Variants in UMODL1 observed in about 807,000 individuals in gnomAD.
UMODL1 encodes uromodulin like 1, also known as uromodulin-like 1.
UMODL1 carries 128 observed loss-of-function variants against 136.3 expected under a neutral mutation model. The ratio of observed to expected loss-of-function variants is 0.94; its 90% CI spans 0.81 to 1.09. The LOEUF is 1.09. UMODL1 is among the 50% of genes least tolerant of loss of function. The pLI, the probability that UMODL1 is intolerant of heterozygous loss-of-function variation, is 0.00. For synonymous variants in UMODL1, 721 were observed against 720.0 expected, an observed-to-expected ratio of 1.00 and a Z score of -0.02; for missense variants, 1,766 against 1,725.6, an observed-to-expected ratio of 1.02 and a Z score of -0.41.
chr21:42,088,668 T>C (rs958556028), intron 5 of UMODL1, among the ~76,000 whole-genome samples, 188 bp downstream of exon 5: 1 of 152,190 alleles, frequency 6.6e-6, no homozygotes, highest in Non-Finnish European at 1.5e-5. Context: ...CAGCTCACCC[T>C]GTAAATTCCA....
At position 42,083,191 on chromosome 21, in the gene UMODL1, A is replaced by G. The variant is rs2066383101; in HGVS notation, c.320-893A>G. Among the ~76,000 whole-genome samples the G allele has an allele frequency of 2.6e-5, 4 of 152,192 alleles. No homozygotes were observed. In the South Asian group the frequency reaches 8.3e-4, roughly 31 times the overall value. On this transcript the variant is annotated intron_variant, in intron 2 of 22. Coordinates refer to ENST00000408910, the MANE Select transcript of UMODL1 (RefSeq NM_001004416.3). ...CAGTGCCACTCTGCCATGCGTCTCC[A>G]CATGGGCGAGCAGTGGACATGTCCG...
chr21:42,093,765 C>A (rs887721602), intron 6 of UMODL1: 1 of 400,396 alleles, frequency 2.5e-6, no homozygotes, highest in African/African-American at 2.1e-5. Flanking sequence ...GGATCAATCA[C>A]GGAAAGAGAG....
chr21:42,084,862 A>G (rs1301956989), intron 3 of UMODL1, among the ~76,000 whole-genome samples: 1 of 151,170 alleles, frequency 6.6e-6, no homozygotes, highest in Non-Finnish European at 1.5e-5. Flanking sequence ...ACTACATGCT[A>G]TTATATAGTA....
At chr21:42,133,254 C>T (rs2067156938) in intron 21 of UMODL1, among the ~76,000 whole-genome samples, 1 of 152,250 alleles carries the variant, frequency 6.6e-6, no homozygotes, top group Non-Finnish European at 1.5e-5. Flanking sequence ...GACCTCACCG[C>T]TATCCGCGGC....
intron 15 of UMODL1, among the ~76,000 whole-genome samples, chr21:42,119,556 C>G (rs1020828175): frequency 6.6e-6 from 1 of 152,154 alleles, no homozygotes; most frequent in Non-Finnish European, 1.5e-5. Flanking sequence ...CTGCAGATCC[C>G]CAGGGGTGCT....
At position 42,121,101 on chromosome 21, in the gene UMODL1, G is replaced by A. The variant is rs1459323616; in HGVS notation, c.2704G>A (p.Glu902Lys). 4 of 1,613,478 alleles carry A rather than the reference G, an allele frequency of 2.5e-6. No individual in the cohort carries two copies. The highest frequency in any genetic ancestry group is 3.4e-6 in the Non-Finnish European group (4 of 1,179,792). Residue 902 changes from glutamate (E) to lysine (K), a missense_variant, in exon 16 of 23, where the codon GAA becomes AAA. By Grantham distance (56) the Glu-to-Lys change is moderately conservative. Transcript: ENST00000408910. Reference protein sequence around the residue: ...DTFIQDYDECERKEDDCVPGT... With the variant: ...DTFIQDYDECKRKEDDCVPGT... ...ATGTTGTGCAGATTACGATGAGTGT[G>A]AAAGGAAGGAGGACGACTGTGTGCC...
intron 7 of UMODL1, chr21:42,101,694 A>G (rs1458018558): frequency 1.5e-5 from 7 of 456,208 alleles, no homozygotes; most frequent in Non-Finnish European, 2.6e-5. Context: ...CAACCCTACC[A>G]TTTTGACTGG....
At chr21:42,074,172 C>T (rs1601171721) in intron 1 of UMODL1, among the ~76,000 whole-genome samples, 1 of 152,326 alleles carries the variant, frequency 6.6e-6, no homozygotes, top group Middle Eastern at 3.4e-3. Context: ...CGAGCCCCTG[C>T]AGGAGTCTCT....
intron 4 of UMODL1, among the ~76,000 whole-genome samples, chr21:42,086,306 C>G (rs1405874496): frequency 6.6e-6 from 1 of 152,230 alleles, no homozygotes; most frequent in East Asian, 1.9e-4. Flanking sequence ...TGTAGCTGTT[C>G]TGTGCTTCAG....
At chr21:42,108,468 C>G (rs2066756039) in intron 9 of UMODL1, 3 of 455,778 alleles carry the variant, frequency 6.6e-6, no homozygotes, top group Non-Finnish European at 9.2e-6. Context: ...GCAGGAAGCA[C>G]AACAGAAAAA....
intron 7 of UMODL1, among the ~76,000 whole-genome samples, chr21:42,100,346 G>C (rs1364724736): frequency 1.3e-5 from 2 of 152,138 alleles, no homozygotes; most frequent in African/African-American, 4.8e-5. Context: ...GACAGTGAGT[G>C]GTGGTGGAGA....
chr21:42,129,694 C>T lies in UMODL1; in HGVS notation c.3691-19C>T. ...GTTCAATTAATTTGACGTTTCTCTT[C>T]TTGGAAAAAAAAAAACAGAATTGCA... On this transcript the variant is annotated intron_variant, in intron 20 of 22. Coordinates refer to ENST00000408910, the MANE Select transcript of UMODL1 (RefSeq NM_001004416.3). 1.9e-6 allele frequency: 3 copies of T among 1,561,212 alleles called. No individual in the cohort carries two copies. The highest frequency in any genetic ancestry group is 2.6e-6 in the Non-Finnish European group (3 of 1,160,252).
intron 17 of UMODL1, among the ~76,000 whole-genome samples, chr21:42,125,948 G>C (rs1044833917): frequency 2.6e-5 from 4 of 152,230 alleles, no homozygotes; most frequent in Non-Finnish European, 5.9e-5. Context: ...ACCAATGCTT[G>C]GCTTGATTAT....
intron 14 of UMODL1, among the ~76,000 whole-genome samples, chr21:42,116,683 G>A (rs1166232070): frequency 6.6e-6 from 1 of 151,718 alleles, no homozygotes; most frequent in Admixed American, 6.6e-5. Context: ...CTTTTAAACT[G>A]TACAATTCAG....
chr21:42,127,624 CAGCGGGGCTCGCTGACA>C, intron 19 of UMODL1, 31 bp from the exon 20 acceptor site: 1 of 1,576,136 alleles, frequency 6.3e-7, no homozygotes, highest in Non-Finnish European at 8.6e-7. Context: ...AGAACAAGGA[CAGCGGGGCTCGCTGACA>C]AGCAAGGAGT....
intron 15 of UMODL1, chr21:42,120,468 C>G (rs550530937): frequency 1.3e-5 from 2 of 152,354 alleles, no homozygotes; most frequent in South Asian, 4.1e-4. Flanking sequence ...TGCTAAGTTA[C>G]CAGGTGTCCC....
Position 42,111,600 on chromosome 21 carries a change from G to A in UMODL1, c.1994G>A (p.Arg665Gln), listed in dbSNP as rs746597703. The change falls in exon 12 of 23, where the codon CGG (arginine) becomes CAG (glutamine). Residue 665 changes from arginine (R) to glutamine (Q), a missense_variant. Transcript: ENST00000408910. Reference sequence around the variant, plus strand: ...CTGTGGCATGCCACCCGTTCCACCCGGGAAACACTTCTGAATCCCACGTGG... The same window carrying A: ...CTGTGGCATGCCACCCGTTCCACCCAGGAAACACTTCTGAATCCCACGTGG... ...HFLWHATRSTRETLLNPTWLR... is the reference protein window; with the variant it reads ...HFLWHATRSTQETLLNPTWLR... 148 of 1,613,986 alleles carry A rather than the reference G, an allele frequency of 9.2e-5. No individual in the cohort carries two copies. The highest frequency in any genetic ancestry group is 1.2e-4 in the Non-Finnish European group (144 of 1,180,002).
intron 1 of UMODL1, among the ~76,000 whole-genome samples, chr21:42,065,306 G>C (rs2066174446): frequency 6.6e-6 from 1 of 152,184 alleles, no homozygotes; most frequent in Admixed American, 6.5e-5. Flanking sequence ...TTGCGTTTCA[G>C]TTCAGATTCT....
intron 15 of UMODL1, among the ~76,000 whole-genome samples, chr21:42,119,938 G>A (rs774932080): frequency 1.3e-5 from 2 of 152,096 alleles, no homozygotes; most frequent in Non-Finnish European, 2.9e-5. Flanking sequence ...CCATTTTAAC[G>A]CAAAGTAAAC....
Sources: gnomAD v4.1 joint callset for allele counts (sites outside exome capture counted in the v4.1 genomes callset) on GRCh38, gnomAD v4.1.1 for gene constraint, MANE v1.5 for transcripts, NCBI Gene and HGNC (gene_info 2026-07-23, HGNC 2026-07-21) for gene names.